EEIG2: variants seen among roughly 807,000 people sequenced by gnomAD.
The protein encoded by EEIG2 is EEIG family member 2.
At chr1:108,574,150 T>C in the EEIG2 span, among the ~76,000 whole-genome samples, 2 of 152,084 alleles carry the variant, frequency 1.3e-5, no homozygotes, top group East Asian at 3.9e-4. Context: ...CAAAGTGTGG[T>C]ATATACATAC....
At chr1:108,572,667 G>A in the EEIG2 span, among the ~76,000 whole-genome samples, 164 of 152,180 alleles carry the variant, frequency 1.1e-3, 3 homozygotes, top group East Asian at 0.029. Flanking sequence ...CCAGGCTGGA[G>A]TGCAATGGTG....
the EEIG2 span, chr1:108,626,595 T>C: frequency 1.3e-5 from 2 of 152,232 alleles, no homozygotes; most frequent in African/African-American, 2.4e-5. Flanking sequence ...TACACTCTTA[T>C]GCCCCCTGTT....
chr1:108,601,969 G>C, the EEIG2 span, among the ~76,000 whole-genome samples: 1 of 152,254 alleles, frequency 6.6e-6, no homozygotes, highest in Non-Finnish European at 1.5e-5. Context: ...GATGGAGTTG[G>C]GGGAGGTGTG....
chr1:108,575,979 T>G, the EEIG2 span, among the ~76,000 whole-genome samples: 98 of 152,314 alleles, frequency 6.4e-4, no homozygotes, highest in South Asian at 1.7e-3. Context: ...GTGAATTATA[T>G]CTCAGTAAAG....
the EEIG2 span, chr1:108,616,436 G>A: frequency 3.9e-6 from 6 of 1,554,236 alleles, no homozygotes; most frequent in South Asian, 2.2e-5. Context: ...AACGTAAGTT[G>A]ATACCCAATA....
the EEIG2 span, chr1:108,625,624 A>G: frequency 2.6e-5 from 4 of 151,982 alleles, no homozygotes; most frequent in Non-Finnish European, 5.9e-5. Context: ...TCTTTCTCCT[A>G]CTGAAAAAAT....
At chr1:108,585,172 A>G in the EEIG2 span, among the ~76,000 whole-genome samples, 2 of 152,146 alleles carry the variant, frequency 1.3e-5, no homozygotes, top group Admixed American at 6.6e-5. Flanking sequence ...AATAACTGCA[A>G]TATTAGCTCT....
At chr1:108,619,449 G>A in the EEIG2 span, among the ~76,000 whole-genome samples, 4 of 152,192 alleles carry the variant, frequency 2.6e-5, no homozygotes, top group Non-Finnish European at 4.4e-5. Context: ...AACTACTGAT[G>A]TAAAAAGTAA....
chr1:108,633,342 G>A, the EEIG2 span, among the ~76,000 whole-genome samples: 22 of 152,238 alleles, frequency 1.4e-4, no homozygotes, highest in Admixed American at 3.9e-4. Flanking sequence ...AGGCTGGGGC[G>A]CAGTGATGTG....
chr1:108,581,223 A>G, the EEIG2 span, among the ~76,000 whole-genome samples: 1 of 152,216 alleles, frequency 6.6e-6, no homozygotes, highest in Non-Finnish European at 1.5e-5. Flanking sequence ...TCAGAAAAAA[A>G]AAGATTCCTT....
chr1:108,604,493 T>G, the EEIG2 span, among the ~76,000 whole-genome samples: 1 of 152,150 alleles, frequency 6.6e-6, no homozygotes, highest in South Asian at 2.1e-4. Flanking sequence ...GATTGGGATA[T>G]GACTAGCATT....
chr1:108,616,492 AT>A, the EEIG2 span: 1 of 1,096,006 alleles, frequency 9.1e-7, no homozygotes, highest in Non-Finnish European at 1.3e-6. Context: ...ATTTGTTTAA[AT>A]TTTTACATTA....
At chr1:108,612,176 AG>A in the EEIG2 span, 1 of 1,603,082 alleles carries the variant, frequency 6.2e-7, no homozygotes, top group Non-Finnish European at 8.5e-7. Context: ...TTCTTTTCAT[AG>A]CTGGGCTTTG....
chr1:108,633,479 AAGGTCTTGCTGTGTTGCCC>A, the EEIG2 span, among the ~76,000 whole-genome samples: 1 of 152,060 alleles, frequency 6.6e-6, no homozygotes, highest in South Asian at 2.1e-4. Context: ...TTGTGGACAC[AAGGTCTTGCTGTGTTGCCC>A]AGGATACAGC....
chr1:108,633,992 G>A, the EEIG2 span, among the ~76,000 whole-genome samples: 4 of 152,074 alleles, frequency 2.6e-5, no homozygotes, highest in African/African-American at 7.2e-5. Context: ...GGCGGTTGTC[G>A]GGCTCTCTTC....
the EEIG2 span, among the ~76,000 whole-genome samples, chr1:108,596,095 TAAGG>T: frequency 6.6e-6 from 1 of 150,954 alleles, no homozygotes; most frequent in Non-Finnish European, 1.5e-5. Flanking sequence ...GAACAGGAAG[TAAGG>T]GAGGCAGGGA....
At chr1:108,565,822 T>C in the EEIG2 span, among the ~76,000 whole-genome samples, 51 of 152,354 alleles carry the variant, frequency 3.3e-4, no homozygotes, top group Admixed American at 2.6e-3. Flanking sequence ...CTGCACATTG[T>C]GTATTTCTTT....
At chr1:108,624,629 A>C in the EEIG2 span, 2 of 1,610,172 alleles carry the variant, frequency 1.2e-6, no homozygotes, top group Non-Finnish European at 1.7e-6. Flanking sequence ...TCCAGTTCGT[A>C]AATGTTTATT....
the EEIG2 span, among the ~76,000 whole-genome samples, chr1:108,608,231 A>G: frequency 2.9e-4 from 44 of 152,014 alleles, 1 homozygote; most frequent in East Asian, 6.2e-3. Context: ...TGTCCTGTCA[A>G]CTCATGTATC....
Sources: allele counts gnomAD v4.1 joint callset (sites outside exome capture counted in the v4.1 genomes callset), GRCh38; gene constraint gnomAD v4.1.1; transcripts MANE v1.5; gene names NCBI Gene and HGNC (gene_info 2026-07-23, HGNC 2026-07-21).